The following CDK19 variants were observed in gnomAD, a reference collection of about 807,000 sequenced individuals.
CDK19 encodes cyclin-dependent kinase 19.
Under a neutral mutation model 68.3 loss-of-function variants are expected in CDK19, and 20 were observed. That is an observed-to-expected ratio of 0.29 (90% CI 0.21 to 0.43). CDK19 has a LOEUF of 0.43. Among genes scored for constraint, CDK19 ranks in the 20% least tolerant of loss-of-function variants. The pLI, the probability that CDK19 is intolerant of heterozygous loss-of-function variation, is 1.00. For synonymous variants in CDK19, 221 were observed against 222.8 expected (o/e 0.99, Z 0.07); for missense variants, 339 against 623.5 (o/e 0.54, Z 4.86).
chr6:110,694,680 C>G (rs1773321593), intron 2 of CDK19, among the ~76,000 whole-genome samples: 1 of 152,174 alleles, frequency 6.6e-6, no homozygotes, highest in African/African-American at 2.4e-5. Flanking sequence ...AACATTCTAC[C>G]CAACAACTGC....
intron 1 of CDK19, among the ~76,000 whole-genome samples, chr6:110,780,247 G>A (rs565759218): frequency 5.9e-5 from 9 of 151,396 alleles, no homozygotes; most frequent in Middle Eastern, 3.4e-3. Flanking sequence ...AAAATTAGCC[G>A]GGCGTGGTGG....
intron 1 of CDK19, among the ~76,000 whole-genome samples, chr6:110,751,401 C>T (rs1778463586): frequency 6.6e-6 from 1 of 151,892 alleles, no homozygotes; most frequent in Non-Finnish European, 1.5e-5. Context: ...AGGTTGCATG[C>T]TCCTTATGAG....
intron 4 of CDK19, chr6:110,643,084 A>G: frequency 1.6e-6 from 1 of 638,734 alleles, no homozygotes; most frequent in Admixed American, 3.9e-5. Context: ...AAGGTAAGGA[A>G]GCTGAGCCTG....
intron 1 of CDK19, among the ~76,000 whole-genome samples, chr6:110,806,953 G>T (rs978300622): frequency 2.0e-5 from 3 of 151,324 alleles, no homozygotes; most frequent in African/African-American, 7.3e-5. Context: ...ACTCCAGCCT[G>T]GGTGACAGAG....
At chr6:110,799,521 A>C (rs958183564) in intron 1 of CDK19, among the ~76,000 whole-genome samples, 3 of 152,152 alleles carry the variant, frequency 2.0e-5, no homozygotes, top group African/African-American at 7.2e-5. Context: ...ATTACTTATA[A>C]TACTTAATAC....
At chr6:110,671,525 T>G (rs563669537) in intron 2 of CDK19, among the ~76,000 whole-genome samples, 1 of 152,368 alleles carries the variant, frequency 6.6e-6, no homozygotes, top group Non-Finnish European at 1.5e-5. Context: ...TTTCTCTCAC[T>G]TAATCTTTAG....
intron 4 of CDK19, among the ~76,000 whole-genome samples, chr6:110,661,632 T>C (rs1004695696): frequency 6.6e-6 from 1 of 152,160 alleles, no homozygotes; most frequent in African/African-American, 2.4e-5. Flanking sequence ...TTTCCTTTAA[T>C]CAGATGAAGA....
intron 2 of CDK19, among the ~76,000 whole-genome samples, chr6:110,699,951 C>A (rs1773852559): frequency 6.6e-6 from 1 of 152,188 alleles, no homozygotes; most frequent in African/African-American, 2.4e-5. Flanking sequence ...GAACAAGCCA[C>A]ACAGCAGGAG....
chr6:110,622,193 T>C, intron 10 of CDK19, 27 bp from the exon 11 acceptor site: 1 of 1,425,212 alleles, frequency 7.0e-7, no homozygotes, highest in Non-Finnish European at 9.8e-7. Context: ...AGAAAAAACA[T>C]ATCATGATCT....
At chr6:110,763,882 G>C (rs1216634320) in intron 1 of CDK19, among the ~76,000 whole-genome samples, 1 of 151,958 alleles carries the variant, frequency 6.6e-6, no homozygotes, top group Non-Finnish European at 1.5e-5. Flanking sequence ...AGAACTCCTG[G>C]AACTAATAAA....
chr6:110,775,462 T>C (rs954197852), intron 1 of CDK19, among the ~76,000 whole-genome samples: 2 of 152,114 alleles, frequency 1.3e-5, no homozygotes, highest in Non-Finnish European at 2.9e-5. Context: ...GTGGCAAAAT[T>C]TAATTTAATT....
chr6:110,734,488 A>C (rs1250679562), intron 2 of CDK19, among the ~76,000 whole-genome samples: 2 of 144,638 alleles, frequency 1.4e-5, no homozygotes, highest in Non-Finnish European at 3.0e-5. Context: ...AACTCCTCAA[A>C]TACTATTGAT....
chr6:110,787,705 G>A (rs188168203), intron 1 of CDK19, among the ~76,000 whole-genome samples: 1 of 152,122 alleles, frequency 6.6e-6, no homozygotes, highest in Non-Finnish European at 1.5e-5. Context: ...GCCTGCCAAA[G>A]TGCTGGGATT....
chr6:110,743,252 A>G (rs1393413443), intron 2 of CDK19, among the ~76,000 whole-genome samples: 1 of 152,188 alleles, frequency 6.6e-6, no homozygotes, highest in African/African-American at 2.4e-5. Flanking sequence ...AATCCCTATC[A>G]TGTTGGGGTT....
chr6:110,808,204 A>G (rs1173418608), intron 1 of CDK19, among the ~76,000 whole-genome samples: 3 of 152,234 alleles, frequency 2.0e-5, no homozygotes, highest in Non-Finnish European at 4.4e-5. Context: ...GCTACTAATT[A>G]GTTTCTAATC....
intron 12 of CDK19, among the ~76,000 whole-genome samples, chr6:110,620,180 C>T (rs751668314): frequency 3.3e-5 from 5 of 152,030 alleles, no homozygotes; most frequent in South Asian, 2.1e-4. Context: ...TGTGGAAACA[C>T]ATTAGTTTGT....
intron 2 of CDK19, among the ~76,000 whole-genome samples, chr6:110,702,581 C>CG (rs1774101755): frequency 6.6e-6 from 1 of 152,016 alleles, no homozygotes; most frequent in Non-Finnish European, 1.5e-5. Flanking sequence ...GAGCCATGAT[C>CG]GCATCACTGC....
intron 1 of CDK19, among the ~76,000 whole-genome samples, chr6:110,747,148 T>C (rs1211155069): frequency 1.3e-5 from 2 of 152,222 alleles, no homozygotes; most frequent in Non-Finnish European, 1.5e-5. Context: ...TTGTCAAATA[T>C]AGCGCCAAAG....
intron 6 of CDK19, among the ~76,000 whole-genome samples, 172 bp from the exon 7 acceptor site, chr6:110,627,317 T>C (rs1779151574): frequency 6.6e-6 from 1 of 152,098 alleles, no homozygotes; most frequent in Admixed American, 6.5e-5. Context: ...TGGGTATGTG[T>C]GTATATATAG....
Sources: gnomAD v4.1 joint callset for allele counts (sites outside exome capture counted in the v4.1 genomes callset) on GRCh38, gnomAD v4.1.1 for gene constraint, MANE v1.5 for transcripts, NCBI Gene and HGNC (gene_info 2026-07-23, HGNC 2026-07-21) for gene names.